Variants in ACTR3 observed in about 807,000 individuals in gnomAD.
ACTR3 encodes actin-related protein 3.
In ACTR3, 12 loss-of-function variants were observed where a neutral mutation model predicts 56.8. That is an observed-to-expected ratio of 0.21 (90% confidence interval 0.14 to 0.34). ACTR3 has a LOEUF of 0.34. ACTR3 is among the 10% of genes least tolerant of loss of function. The pLI is 1.00. For missense variants in ACTR3, 282 were observed against 512.5 expected (o/e 0.55, Z 4.34); for synonymous variants, 162 against 167.4 (o/e 0.97, Z 0.25).
Position 113,961,109 on chromosome 2 carries a change from C to T in ACTR3, c.*3654C>T, listed in dbSNP as rs1680316969. The T allele has an allele frequency of 6.6e-6, 1 of 151,956 alleles. No individual in the cohort carries two copies. 9.4% of individuals were successfully genotyped at this position (151,956 alleles called of 1,614,324 possible). ...TCAGTGAAAAAGAATTTCTGCTACT[C>T]ATTGTTGATAACGCTTCAGTACTGT... On this transcript the variant is annotated 3_prime_UTR_variant, in exon 12 of 12. Coordinates refer to ENST00000263238, the MANE Select transcript of ACTR3 (RefSeq NM_005721.5).
intron 8 of ACTR3, among the ~76,000 whole-genome samples, chr2:113,949,403 AAAG>A (rs1428831444): frequency 0.034 from 5,004 of 148,964 alleles, 291 homozygotes; most frequent in African/African-American, 0.12. Flanking sequence ...AGAAAAAAAA[AAAG>A]AAAAAATTGA....
At chr2:113,898,405 C>G (rs1251488953) in intron 1 of ACTR3, among the ~76,000 whole-genome samples, 1 of 152,016 alleles carries the variant, frequency 6.6e-6, no homozygotes. Flanking sequence ...GGGAGTGTTC[C>G]TAATTATTAA....
chr2:113,935,995 T>C (rs1679817891), intron 6 of ACTR3, among the ~76,000 whole-genome samples: 2 of 152,062 alleles, frequency 1.3e-5, no homozygotes, highest in Middle Eastern at 3.2e-3. Flanking sequence ...AGTAAGGACA[T>C]TAAGAGTGGG....
chr2:113,926,641 C>T (rs1300872304), intron 3 of ACTR3, among the ~76,000 whole-genome samples: 1 of 152,130 alleles, frequency 6.6e-6, no homozygotes, highest in African/African-American at 2.4e-5. Context: ...TTTGTAACAG[C>T]CTGCCTTCAA....
rs1361886984 is a variant in ACTR3, at chr2:113,960,317, T to C, written c.*2862T>C. 6.6e-6 allele frequency: 1 copy of C among 152,008 alleles called. No individual in the cohort carries two copies. Among genetic ancestry groups the C allele is most frequent in the African/African-American group, 2.4e-5 (1 of 41,440 alleles). The allele number at this position is 152,008 out of a possible 1,614,324, so 9.4% of individuals were successfully genotyped here. ...TACCTATCTTCTTTTCTATAGGAGA[T>C]AAAGTGGTTATTCAGACCCCCCAAT... On this transcript the variant is annotated 3_prime_UTR_variant, in exon 12 of 12. Transcript: ENST00000263238.
In ACTR3 at chr2:113,939,943, T is replaced by C. The variant is rs569908561; in HGVS notation, c.541-16T>C. The stretch of plus-strand genomic sequence containing the variant: ...AACATTGAAAGTAAATTTGGTATCT[T>C]TTTTCCCCTCTCTAGGCTGAAGGGT... On this transcript the variant is annotated splice_polypyrimidine_tract_variant and intron_variant, in intron 6 of 11. Coordinates refer to ENST00000263238, the MANE Select transcript of ACTR3 (RefSeq NM_005721.5). The C allele has an allele frequency of 8.3e-6, 13 of 1,559,006 alleles. No individual in the cohort carries two copies. In the East Asian group the frequency reaches 3.0e-4, roughly 36 times the overall value.
At chr2:113,950,546 T>C (rs1188741701) in intron 8 of ACTR3, among the ~76,000 whole-genome samples, 1 of 152,232 alleles carries the variant, frequency 6.6e-6, no homozygotes, top group Non-Finnish European at 1.5e-5. Context: ...CAAATATGTT[T>C]TAGCGATTAG....
At position 113,934,318 on chromosome 2, in the gene ACTR3, G is replaced by T; in HGVS notation, c.472G>T (p.Val158Leu). 6.2e-7 allele frequency: 1 copy of T among 1,608,380 alleles called. No homozygotes were observed. The highest frequency in any genetic ancestry group is 8.5e-7 in the Non-Finnish European group (1 of 1,178,348). The stretch of plus-strand genomic sequence containing the variant: ...AGCTGCATCTTGGACCTCAAGACAA[G>T]TAGGAGAACGGACGTTGACCGGTAC... ...ALAASWTSRQ[V>L]GERTLTGTVI... Residue 158 changes from valine to leucine, a missense_variant, in exon 6 of 12, where the codon GTA becomes TTA. Coordinates refer to ENST00000263238, the MANE Select transcript of ACTR3 (RefSeq NM_005721.5).
chr2:113,959,454 T>C lies in ACTR3; in HGVS notation c.*1999T>C, dbSNP rs1448797938. On this transcript the variant is annotated 3_prime_UTR_variant, in exon 12 of 12. Transcript: ENST00000263238. ...TGAATAAGCTAGAAAGACATGTTTATAAAGCTATTTGATGACAATCTCAGG... is the reference window on the plus strand; with the variant it reads ...TGAATAAGCTAGAAAGACATGTTTACAAAGCTATTTGATGACAATCTCAGG... 1 of 152,064 alleles carries C rather than the reference T, an allele frequency of 6.6e-6. No homozygotes were observed. Among genetic ancestry groups the C allele is most frequent in the East Asian group, 1.9e-4 (1 of 5,198 alleles). 9.4% of individuals were successfully genotyped at this position (152,064 alleles called of 1,614,324 possible).
chr2:113,938,952 A>G (rs1679875931), intron 6 of ACTR3, among the ~76,000 whole-genome samples: 1 of 151,668 alleles, frequency 6.6e-6, no homozygotes, highest in Non-Finnish European at 1.5e-5. Context: ...CATTCACGTT[A>G]TTTGTTTCCC....
intron 1 of ACTR3, chr2:113,890,849 C>T: frequency 2.1e-6 from 2 of 954,084 alleles, no homozygotes; most frequent in Non-Finnish European, 2.5e-6. Flanking sequence ...GAATCGGACT[C>T]TGAAAATGGG....
chr2:113,914,996 A>G (rs1271928530), intron 2 of ACTR3, among the ~76,000 whole-genome samples: 2 of 152,090 alleles, frequency 1.3e-5, no homozygotes, highest in Non-Finnish European at 2.9e-5. Context: ...CAATACGTTG[A>G]TTGTTTTTTG....
intron 6 of ACTR3, among the ~76,000 whole-genome samples, chr2:113,936,782 G>A (rs1486705113): frequency 6.6e-6 from 1 of 152,170 alleles, no homozygotes; most frequent in Non-Finnish European, 1.5e-5. Context: ...ACAATGTGAG[G>A]AGTGGGAAAG....
At chr2:113,911,474 CA>C in intron 1 of ACTR3, among the ~76,000 whole-genome samples, 1 of 138,088 alleles carries the variant, frequency 7.2e-6, no homozygotes, top group East Asian at 2.3e-4. Flanking sequence ...GGCTGGAATA[CA>C]GTGGCATGAT....
chr2:113,956,105 TG>T (rs1486248377), intron 11 of ACTR3, among the ~76,000 whole-genome samples: 1 of 151,982 alleles, frequency 6.6e-6, no homozygotes, highest in Non-Finnish European at 1.5e-5. Flanking sequence ...TGGGCCAGGC[TG>T]GTCTCAAACT....
chr2:113,951,370 G>A (rs1005844876), intron 8 of ACTR3, 109 bp from the exon 9 acceptor site: 1 of 661,220 alleles, frequency 1.5e-6, no homozygotes, highest in African/African-American at 1.8e-5. Flanking sequence ...CAGTATTAGT[G>A]GTTTCTAAAA....
At chr2:113,913,140 G>T (rs1679339049) in intron 1 of ACTR3, 32 bp from the exon 2 acceptor site, 1 of 1,397,416 alleles carries the variant, frequency 7.2e-7, no homozygotes, top group South Asian at 1.3e-5. Flanking sequence ...TAAAATATTA[G>T]TGAAATCTTT....
intron 11 of ACTR3, among the ~76,000 whole-genome samples, chr2:113,956,193 T>C (rs2104633655): frequency 6.6e-6 from 1 of 152,012 alleles, no homozygotes; most frequent in African/African-American, 2.4e-5. Context: ...TGCGCCTGGC[T>C]GAAGCTTATG....
At chr2:113,927,862 T>G (rs1383609421) in intron 4 of ACTR3, among the ~76,000 whole-genome samples, 1 of 152,198 alleles carries the variant, frequency 6.6e-6, no homozygotes, top group Non-Finnish European at 1.5e-5. Flanking sequence ...TGCATGTTCA[T>G]AACTTAAAAA....
Sources: allele counts gnomAD v4.1 joint callset (sites outside exome capture counted in the v4.1 genomes callset), GRCh38; gene constraint gnomAD v4.1.1; transcripts MANE v1.5; gene names NCBI Gene and HGNC (gene_info 2026-07-23, HGNC 2026-07-21).